CSMD1: variants seen among roughly 807,000 people sequenced by gnomAD.
The protein encoded by CSMD1 is CUB and Sushi multiple domains 1, also known as CUB and sushi domain-containing protein 1.
Under a neutral mutation model 417.5 loss-of-function variants are expected in CSMD1, and 213 were observed. The ratio of observed to expected loss-of-function variants is 0.51; its 90% CI spans 0.46 to 0.57. The LOEUF is 0.57. Among genes scored for constraint, CSMD1 ranks in the 20% least tolerant of loss-of-function variants. The pLI, the probability that CSMD1 is intolerant of heterozygous loss-of-function variation, is 0.00. For missense variants in CSMD1, 6,923 were observed against 4,529.7 expected (o/e 1.53, Z -15.17); for synonymous variants, 2,862 against 1,736.8 (o/e 1.65, Z -16.11).
chr8:3,163,033 A>C (rs187739124), intron 37 of CSMD1, among the ~76,000 whole-genome samples: 238 of 152,352 alleles, frequency 1.6e-3, no homozygotes, highest in Middle Eastern at 3.4e-3. Context: ...TATTTTGTAG[A>C]ATCAAAAATT....
At chr8:3,712,856 C>G (rs1585118491) in intron 6 of CSMD1, among the ~76,000 whole-genome samples, 1 of 152,084 alleles carries the variant, frequency 6.6e-6, no homozygotes, top group African/African-American at 2.4e-5. Context: ...GGCTGGGGGA[C>G]CTGGGGAGAT....
At chr8:3,346,890 C>G (rs900233827) in intron 22 of CSMD1, among the ~76,000 whole-genome samples, 1 of 152,218 alleles carries the variant, frequency 6.6e-6, no homozygotes, top group Admixed American at 6.5e-5. Context: ...AAAAGAGCCA[C>G]GTGTTCCTTT....
intron 4 of CSMD1, among the ~76,000 whole-genome samples, chr8:4,023,861 C>T (rs1796920640): frequency 2.0e-5 from 3 of 149,390 alleles, no homozygotes; most frequent in South Asian, 2.1e-4. Context: ...TCGGGATCTG[C>T]CCGCCTTGGC....
rs941090391 is a variant in CSMD1 at position 4,314,365 on chromosome 8, C to T, written c.415+105588G>A. On this transcript the variant is annotated intron_variant, in intron 3 of 69. Coordinates refer to ENST00000635120, the MANE Select transcript of CSMD1 (RefSeq NM_033225.6). ...TCCACCTGCCATAGAACATTTCCTA[C>T]ATATTTCTGTCAGGGCCAGAGTTCA... is the stretch of plus-strand genomic sequence containing the variant. Among the ~76,000 whole-genome samples, 5 of 152,188 alleles carry T rather than the reference C, an allele frequency of 3.3e-5. No homozygotes were observed. In the South Asian group the frequency reaches 1.0e-3, roughly 32 times the overall value.
intron 3 of CSMD1, among the ~76,000 whole-genome samples, chr8:4,052,057 T>C (rs1159721760): frequency 6.6e-6 from 1 of 152,030 alleles, no homozygotes; most frequent in East Asian, 1.9e-4. Context: ...TGCCTCAGCC[T>C]CCCAAGTAGC....
intron 11 of CSMD1, among the ~76,000 whole-genome samples, chr8:3,476,912 CAA>C (rs761021655): frequency 0.16 from 20,100 of 126,634 alleles, 1,557 homozygotes; most frequent in East Asian, 0.25. Context: ...AACTCCGCCT[CAA>C]AAAAAAAAAA....
At chr8:3,665,477 C>A (rs886320826) in intron 7 of CSMD1, among the ~76,000 whole-genome samples, 3 of 152,066 alleles carry the variant, frequency 2.0e-5, no homozygotes, top group Admixed American at 6.6e-5. Context: ...TGCAGTGAGC[C>A]AAGATCACGC....
At chr8:4,475,558 C>G (rs1269734457) in intron 2 of CSMD1, among the ~76,000 whole-genome samples, 1 of 152,058 alleles carries the variant, frequency 6.6e-6, no homozygotes, top group African/African-American at 2.4e-5. Flanking sequence ...GCAACCTATA[C>G]GTCTTAAATA....
At position 3,327,428 on chromosome 8, in the gene CSMD1, C is replaced by T. The variant is rs540324741; in HGVS notation, c.3631+15866G>A. Among the ~76,000 whole-genome samples the T allele has an allele frequency of 8.5e-5, 13 of 152,262 alleles. No individual in the cohort carries two copies. The South Asian group carries it at 1.9e-3, about 22-fold the overall frequency. Reference sequence around the variant, plus strand: ...GATTACAGGCATGAGCCACCTCGTCCGGCCTACAATACTATCTTTTTTATA... The same window carrying T: ...GATTACAGGCATGAGCCACCTCGTCTGGCCTACAATACTATCTTTTTTATA... On this transcript the variant is annotated intron_variant, in intron 23 of 69. Transcript: ENST00000635120.
intron 5 of CSMD1, among the ~76,000 whole-genome samples, chr8:3,795,132 GCT>G (rs1799983011): frequency 6.4e-5 from 4 of 62,316 alleles, no homozygotes; most frequent in Admixed American, 3.4e-4. Flanking sequence ...ATCATGTACA[GCT>G]ATAGATATCT....
chr8:4,612,989 G>C (rs1213364101), intron 2 of CSMD1, among the ~76,000 whole-genome samples: 1 of 152,086 alleles, frequency 6.6e-6, no homozygotes, highest in Admixed American at 6.6e-5. Context: ...CTGCAAAACT[G>C]ATCTCATAAC....
At chr8:4,272,952 AT>A in intron 3 of CSMD1, among the ~76,000 whole-genome samples, 1 of 152,322 alleles carries the variant, frequency 6.6e-6, no homozygotes, top group Admixed American at 6.5e-5. Context: ...TTAGTTCACA[AT>A]ATTTTTAATT....
intron 6 of CSMD1, among the ~76,000 whole-genome samples, chr8:3,709,481 G>C (rs1801371656): frequency 6.6e-6 from 1 of 152,022 alleles, no homozygotes; most frequent in African/African-American, 2.4e-5. Context: ...TTGGGCCAGA[G>C]GAGATTCTGG....
At chr8:4,426,676 A>G (rs1376600005) in intron 2 of CSMD1, among the ~76,000 whole-genome samples, 2 of 147,204 alleles carry the variant, frequency 1.4e-5, no homozygotes, top group South Asian at 2.1e-4. Context: ...ATTTTATTAT[A>G]TAATATAGTA....
At chr8:4,495,503 A>C (rs1180748629) in intron 2 of CSMD1, among the ~76,000 whole-genome samples, 1 of 152,078 alleles carries the variant, frequency 6.6e-6, no homozygotes, top group African/African-American at 2.4e-5. Flanking sequence ...TGAACTCAGG[A>C]GGCAGAAGTT....
rs555782047 is a variant in CSMD1, at chr8:3,852,935, T to G, written c.819-98893A>C. Among the ~76,000 whole-genome samples the G allele has an allele frequency of 2.0e-3, 309 of 152,294 alleles. 1 individual carries two copies. The highest frequency in any genetic ancestry group is 2.1e-3 in the Non-Finnish European group (143 of 68,018). Reference sequence around the variant, plus strand: ...TTTATCTTGATCCCACCTTCCTCACTAAATATTGCTCCATTTATTTGCACC... The same window carrying G: ...TTTATCTTGATCCCACCTTCCTCACGAAATATTGCTCCATTTATTTGCACC... On this transcript the variant is annotated intron_variant, in intron 5 of 69. Coordinates refer to ENST00000635120, the MANE Select transcript of CSMD1 (RefSeq NM_033225.6).
chr8:3,459,870 C>G (rs7014733), intron 12 of CSMD1, among the ~76,000 whole-genome samples: 3,469 of 151,418 alleles, frequency 0.023, 146 homozygotes, highest in African/African-American at 0.079. Context: ...TCAACTAAGA[C>G]TTAAAAAAAA....
chr8:4,604,670 C>T (rs777060268), intron 2 of CSMD1, among the ~76,000 whole-genome samples: 11 of 152,088 alleles, frequency 7.2e-5, no homozygotes, highest in Admixed American at 1.3e-4. Flanking sequence ...TCTGTTTATC[C>T]TCTTTCCAAA....
intron 3 of CSMD1, among the ~76,000 whole-genome samples, chr8:4,066,240 T>C (rs1343909312): frequency 1.3e-5 from 2 of 152,226 alleles, no homozygotes; most frequent in Non-Finnish European, 2.9e-5. Context: ...TCCTTCTTTG[T>C]CTCCTGTTCC....
Sources: allele counts gnomAD v4.1 joint callset (sites outside exome capture counted in the v4.1 genomes callset), GRCh38; gene constraint gnomAD v4.1.1; transcripts MANE v1.5; gene names NCBI Gene and HGNC (gene_info 2026-07-23, HGNC 2026-07-21).